Variants in FHIP1B observed in about 807,000 individuals in gnomAD.
The protein encoded by FHIP1B is FHF complex subunit HOOK-interacting protein 1B.
A neutral mutation model predicts 82.2 loss-of-function variants in FHIP1B; 28 were observed. That is an observed-to-expected ratio of 0.34 (90% CI 0.25 to 0.47). FHIP1B has a LOEUF of 0.47. Ranked by LOEUF, FHIP1B falls within the 20% of genes least tolerant of loss-of-function variation. The pLI, the probability that FHIP1B is intolerant of heterozygous loss-of-function variation, is 1.00. For synonymous variants in FHIP1B, 585 were observed against 516.1 expected (o/e 1.13, Z -1.81); for missense variants, 1,110 against 1,262.6 (o/e 0.88, Z 1.83).
intron 11 of FHIP1B, among the ~76,000 whole-genome samples, chr11:6,212,334 C>T (rs191325746): frequency 3.9e-4 from 59 of 152,306 alleles, no homozygotes; most frequent in South Asian, 1.9e-3. Context: ...ATCACCCTTC[C>T]GAACTAGTCA....
At chr11:6,216,178 A>T (rs530069476) in intron 9 of FHIP1B, among the ~76,000 whole-genome samples, 1 of 152,362 alleles carries the variant, frequency 6.6e-6, no homozygotes, top group South Asian at 2.1e-4. Context: ...AATAAATGGA[A>T]AGATAGATTT....
At chr11:6,229,832 T>C (rs1251803784) in intron 1 of FHIP1B, among the ~76,000 whole-genome samples, 4 of 152,060 alleles carry the variant, frequency 2.6e-5, no homozygotes, top group African/African-American at 4.8e-5. Flanking sequence ...CTGGGCCCTG[T>C]TCACATACAA....
intron 9 of FHIP1B, chr11:6,216,458 G>A (rs1847228858): frequency 6.5e-6 from 1 of 153,036 alleles, no homozygotes; most frequent in African/African-American, 2.4e-5. Flanking sequence ...ATCTATGGCA[G>A]AGATGGGAGG....
chr11:6,224,263 CAG>C lies in FHIP1B; in HGVS notation c.139-17_139-16del, dbSNP rs768675144. On this transcript the variant is annotated splice_polypyrimidine_tract_variant and intron_variant, in intron 2 of 11. Coordinates refer to ENST00000449352, the MANE Select transcript of FHIP1B (RefSeq NM_001098794.2). Reference sequence around the variant, plus strand: ...ATTCGCACCACCTAGGGAAAAAGGACAGAAGATGGAAGGAATCTAAATTGATA... The same window carrying C: ...ATTCGCACCACCTAGGGAAAAAGGACAAGATGGAAGGAATCTAAATTGATA... 2 of 1,612,008 alleles carry C rather than the reference CAG, an allele frequency of 1.2e-6. No individual in the cohort carries two copies. The highest frequency in any genetic ancestry group is 1.7e-5 in the Admixed American group (1 of 59,856).
chr11:6,223,351 C>T lies in FHIP1B; in HGVS notation c.778-113G>A. The T allele has an allele frequency of 8.3e-7, 1 of 1,198,122 alleles. No homozygotes were observed. Among genetic ancestry groups the T allele is most frequent in the Non-Finnish European group, 1.2e-6 (1 of 861,926 alleles). 74.2% of individuals were successfully genotyped at this position (1,198,122 alleles called of 1,614,324 possible). On this transcript the variant is annotated intron_variant, in intron 3 of 11. Transcript: ENST00000449352. The surrounding 1 kb of genome is among the most constrained non-coding windows in gnomAD (Gnocchi z 4.8). Reference sequence around the variant, plus strand: ...ATGGGAATAGGGGTATAAGCTATTACCAAAGCAAGCATTTGCCTACCCAAT... The same window carrying T: ...ATGGGAATAGGGGTATAAGCTATTATCAAAGCAAGCATTTGCCTACCCAAT...
chr11:6,224,253 G>A lies in FHIP1B; in HGVS notation c.139-5C>T. On this transcript the variant is annotated splice_region_variant and splice_polypyrimidine_tract_variant and intron_variant, in intron 2 of 11. Coordinates refer to ENST00000449352, the MANE Select transcript of FHIP1B (RefSeq NM_001098794.2). Reference sequence around the variant, plus strand: ...CCGCTCCAGGATTCGCACCACCTAGGGAAAAAGGACAGAAGATGGAAGGAA... The same window carrying A: ...CCGCTCCAGGATTCGCACCACCTAGAGAAAAAGGACAGAAGATGGAAGGAA... The A allele has an allele frequency of 6.2e-7, 1 of 1,611,372 alleles. No homozygotes were observed. Among genetic ancestry groups the A allele is most frequent in the Non-Finnish European group, 8.5e-7 (1 of 1,178,438 alleles).
intron 9 of FHIP1B, chr11:6,216,501 G>C (rs1422935170): frequency 6.5e-6 from 1 of 154,508 alleles, no homozygotes; most frequent in East Asian, 1.9e-4. Context: ...CAAGGCCTGT[G>C]ATCTTAGCCT....
chr11:6,214,201 T>C (rs1441740708), intron 11 of FHIP1B, among the ~76,000 whole-genome samples: 1 of 152,112 alleles, frequency 6.6e-6, no homozygotes, highest in Non-Finnish European at 1.5e-5. Context: ...AATTCTAGAG[T>C]AGTTTTTGCT....
In FHIP1B at chr11:6,211,556, C is replaced by A; in HGVS notation, c.2869G>T (p.Glu957Ter). 1 of 1,613,712 alleles carries A rather than the reference C, an allele frequency of 6.2e-7. No homozygotes were observed. The highest frequency in any genetic ancestry group is 8.5e-7 in the Non-Finnish European group (1 of 1,179,778). Residue 957 changes from glutamate to a stop codon, truncating the protein, a stop_gained, in exon 12 of 12, where the codon GAG (glutamate) becomes TAG (stop). Transcript: ENST00000449352. LOFTEE classifies it high-confidence loss of function. ...VTSPFLLETS[E>*]EGSGPLISGC... ...GAGATGAGAGGGCCAGATCCTTCCT[C>A]TGAAGTCTCCAACAAGAAAGGCGAG... is the stretch of plus-strand genomic sequence containing the variant.
intron 1 of FHIP1B, among the ~76,000 whole-genome samples, chr11:6,224,933 T>G (rs949016391): frequency 1.3e-5 from 2 of 152,184 alleles, no homozygotes; most frequent in Non-Finnish European, 2.9e-5. Context: ...ACCTAAATGC[T>G]CAAGCTGAAA....
intron 1 of FHIP1B, among the ~76,000 whole-genome samples, chr11:6,228,790 C>T (rs1847628050): frequency 6.6e-6 from 1 of 151,806 alleles, no homozygotes; most frequent in African/African-American, 2.4e-5. Context: ...AAATCATTAA[C>T]GCAGCAACAA....
chr11:6,217,408 C>A lies in FHIP1B; in HGVS notation c.2178G>T (p.Leu726Phe), dbSNP rs1225223856. The change falls in exon 9 of 12, where the codon TTG becomes TTT. Residue 726 changes from leucine to phenylalanine, a missense_variant. By Grantham distance (22) the Leu-to-Phe change is conservative. This residue lies in a region of FHIP1B where 418 missense variants were observed against 371.4 expected (regional missense o/e 1.13). Coordinates refer to ENST00000449352, the MANE Select transcript of FHIP1B (RefSeq NM_001098794.2). Reference sequence around the variant, plus strand: ...GGCTTGGCAGCTGGTTGAGAGTCCGCAAAGGGCTGCTGAGGAAGGGGCCAG... The same window carrying A: ...GGCTTGGCAGCTGGTTGAGAGTCCGAAAAGGGCTGCTGAGGAAGGGGCCAG... The part of the protein sequence containing the change: ...EPPGPFLSSP[L>F]RTLNQLPSQP... The A allele has an allele frequency of 6.2e-7, 1 of 1,614,100 alleles. No individual in the cohort carries two copies. The highest frequency in any genetic ancestry group is 8.5e-7 in the Non-Finnish European group (1 of 1,179,994).
chr11:6,212,561 A>G (rs1299909364), intron 11 of FHIP1B, among the ~76,000 whole-genome samples: 1 of 152,174 alleles, frequency 6.6e-6, no homozygotes, highest in Non-Finnish European at 1.5e-5. Flanking sequence ...GTTGCGGCCA[A>G]TTTCAAGTCA....
Position 6,217,951 on chromosome 11 carries a change from T to C in FHIP1B, c.1635A>G (p.Gly545=). 1.2e-6 allele frequency: 2 copies of C among 1,613,004 alleles called. No individual in the cohort carries two copies. Among genetic ancestry groups the C allele is most frequent in the Non-Finnish European group, 1.7e-6 (2 of 1,180,016 alleles). ...ACTCCAGGTAATTGTCTTCCAGCTCTCCAGGCTCCTCTGCAGGGGTAGGCC... is the reference window on the plus strand; with the variant it reads ...ACTCCAGGTAATTGTCTTCCAGCTCCCCAGGCTCCTCTGCAGGGGTAGGCC... The part of the protein sequence containing the change: ...GRRPTPAEEP[G]ELEDNYLEYL... The change falls in exon 9 of 12, where the codon GGA becomes GGG. Residue 545 remains glycine (G), a synonymous_variant. Coordinates refer to ENST00000449352, the MANE Select transcript of FHIP1B (RefSeq NM_001098794.2).
At chr11:6,234,499 C>G (rs1003752364) in intron 1 of FHIP1B, 45 bp downstream of exon 1, 3 of 152,986 alleles carry the variant, frequency 2.0e-5, no homozygotes, top group Non-Finnish European at 4.4e-5. Flanking sequence ...TTCCCAGTCT[C>G]TCATCCCCAC....
In FHIP1B at chr11:6,224,183, A is replaced by G. The variant is rs1261903824; in HGVS notation, c.204T>C (p.Ala68=). The change falls in exon 3 of 12, where the codon GCT becomes GCC. Residue 68 remains alanine, a synonymous_variant. Transcript: ENST00000449352. ...AAPGGADDLS[A]VRNHTYQMLT... is the part of the protein sequence containing the mutation. Reference sequence around the variant, plus strand: ...ACATCTGGTAAGTGTGGTTGCGCACAGCACTGAGATCGTCTGCACCCCCAG... The same window carrying G: ...ACATCTGGTAAGTGTGGTTGCGCACGGCACTGAGATCGTCTGCACCCCCAG... The G allele has an allele frequency of 1.2e-6, 2 of 1,613,468 alleles. No individual in the cohort carries two copies. Among genetic ancestry groups the G allele is most frequent in the Non-Finnish European group, 1.7e-6 (2 of 1,179,724 alleles).
At chr11:6,217,160 C>T in intron 9 of FHIP1B, 2 of 706,018 alleles carry the variant, frequency 2.8e-6, no homozygotes, top group South Asian at 1.5e-5. Flanking sequence ...TAAGTCAATA[C>T]TCAAACCAGC....
In FHIP1B at chr11:6,214,919, G is replaced by T. The variant is rs549827327; in HGVS notation, c.2216-8C>A. On this transcript the variant is annotated splice_region_variant and splice_polypyrimidine_tract_variant and intron_variant, in intron 9 of 11. Transcript: ENST00000449352. ...GCACAGCCATGAAGGGGCCTGGGTT[G>T]GGGGGGAGGTGGGCACAAGGATACA... 6 of 1,537,162 alleles carry T rather than the reference G, an allele frequency of 3.9e-6. No homozygotes were observed. Among genetic ancestry groups the T allele is most frequent in the Admixed American group, 2.0e-5 (1 of 49,332 alleles).
intron 11 of FHIP1B, 48 bp downstream of exon 11, chr11:6,214,363 T>C (rs759857439): frequency 1.3e-6 from 2 of 1,544,222 alleles, no homozygotes; most frequent in African/African-American, 1.4e-5. Flanking sequence ...CCTGGGTTAA[T>C]AGGCTATCTA....
Sources: allele counts gnomAD v4.1 joint callset (sites outside exome capture counted in the v4.1 genomes callset), GRCh38; gene constraint gnomAD v4.1.1; regional missense constraint gnomAD v4.1.1; non-coding constraint Gnocchi (gnomAD v3.1); transcripts MANE v1.5; gene names NCBI Gene and HGNC (gene_info 2026-07-23, HGNC 2026-07-21).